Variants in PATJ observed in about 807,000 individuals in gnomAD.
PATJ encodes inaD-like protein.
A neutral mutation model predicts 224.9 loss-of-function variants in PATJ; 190 were observed. The ratio of observed to expected loss-of-function variants is 0.84; its 90% CI spans 0.75 to 0.95. The LOEUF (loss-of-function observed/expected upper bound fraction) is 0.95. PATJ is among the 40% of genes least tolerant of loss of function. The pLI, the probability that PATJ is intolerant of heterozygous loss-of-function variation, is 0.00. For synonymous variants in PATJ, 769 were observed against 820.3 expected (o/e 0.94, Z 1.07); for missense variants, 2,121 against 2,270.3 (o/e 0.93, Z 1.34).
chr1:61,920,057 C>T (rs1205816648), intron 26 of PATJ, among the ~76,000 whole-genome samples: 2 of 151,814 alleles, frequency 1.3e-5, no homozygotes, highest in African/African-American at 4.8e-5. Context: ...TAATGATTGC[C>T]CCTTTTGATA....
intron 25 of PATJ, among the ~76,000 whole-genome samples, chr1:61,911,945 A>G (rs1477330439): frequency 6.7e-6 from 1 of 149,544 alleles, no homozygotes; most frequent in Non-Finnish European, 1.5e-5. Flanking sequence ...GTTTTTTTAC[A>G]TAAATGACAC....
chr1:61,902,912 A>G (rs1415546660), intron 24 of PATJ, among the ~76,000 whole-genome samples: 1 of 152,142 alleles, frequency 6.6e-6, no homozygotes, highest in Non-Finnish European at 1.5e-5. Flanking sequence ...TGAGCCATAT[A>G]GATATATGGA....
At chr1:62,119,196 T>C (rs894220209) in intron 37 of PATJ, among the ~76,000 whole-genome samples, 1 of 152,124 alleles carries the variant, frequency 6.6e-6, no homozygotes. Flanking sequence ...GTGCTTAAAA[T>C]TATGGGTGAG....
At chr1:61,958,182 T>C (rs1208330049) in intron 27 of PATJ, among the ~76,000 whole-genome samples, 1 of 152,224 alleles carries the variant, frequency 6.6e-6, no homozygotes, top group East Asian at 1.9e-4. Flanking sequence ...TTATTGTGTT[T>C]ACATGTTTGT....
chr1:62,020,278 A>G (rs1002810416), intron 29 of PATJ, among the ~76,000 whole-genome samples: 1 of 152,220 alleles, frequency 6.6e-6, no homozygotes, highest in Non-Finnish European at 1.5e-5. Flanking sequence ...ACAATGTACT[A>G]TGTACATATG....
intron 29 of PATJ, among the ~76,000 whole-genome samples, chr1:62,032,532 C>T (rs962070132): frequency 6.6e-6 from 1 of 152,048 alleles, no homozygotes; most frequent in Non-Finnish European, 1.5e-5. Flanking sequence ...AAACTGGGGG[C>T]AGGAATTTTG....
chr1:61,743,434 A>G (rs897055519), intron 1 of PATJ, among the ~76,000 whole-genome samples: 1 of 152,030 alleles, frequency 6.6e-6, no homozygotes, highest in Non-Finnish European at 1.5e-5. Flanking sequence ...TGCCTCTGCC[A>G]TTTAGAGGGT....
intron 41 of PATJ, among the ~76,000 whole-genome samples, chr1:62,136,801 C>T (rs757228233): frequency 5.3e-5 from 8 of 151,798 alleles, no homozygotes; most frequent in Admixed American, 5.3e-4. Flanking sequence ...ATCTGCCAGG[C>T]TCAAGCAATC....
intron 43 of PATJ, among the ~76,000 whole-genome samples, 148 bp from the exon 44 acceptor site, chr1:62,160,755 CTAATT>C (rs2149080173): frequency 6.6e-6 from 1 of 152,176 alleles, no homozygotes; most frequent in Admixed American, 6.5e-5. Context: ...TACTTTTTTC[CTAATT>C]TAAAACATTA....
At chr1:61,814,130 C>CTTTTTTTTT (rs762502160) in intron 14 of PATJ, among the ~76,000 whole-genome samples, 35 of 85,908 alleles carry the variant, frequency 4.1e-4, no homozygotes, top group Admixed American at 4.7e-4. Context: ...TTATTCTCTT[C>CTTTTTTTTT]TTTTTTTTTT....
intron 9 of PATJ, 149 bp downstream of exon 9, chr1:61,791,596 T>G: frequency 2.0e-6 from 1 of 504,094 alleles, no homozygotes; most frequent in Non-Finnish European, 3.5e-6. Context: ...TCTCAGTGAT[T>G]ACAGAATCAC....
intron 1 of PATJ, among the ~76,000 whole-genome samples, chr1:61,762,444 G>A (rs1390242587): frequency 2.0e-5 from 3 of 151,892 alleles, no homozygotes; most frequent in African/African-American, 4.8e-5. Flanking sequence ...TGGGGTTTTT[G>A]TAAATAAAAA....
At chr1:62,016,613 A>C (rs2148371217) in intron 28 of PATJ, among the ~76,000 whole-genome samples, 1 of 152,320 alleles carries the variant, frequency 6.6e-6, no homozygotes, top group African/African-American at 2.4e-5. Flanking sequence ...ATAGTTTATC[A>C]GTGGGAAAAT....
intron 12 of PATJ, among the ~76,000 whole-genome samples, chr1:61,804,731 G>C (rs74568317): frequency 0.16 from 24,865 of 152,168 alleles, 2,453 homozygotes; most frequent in East Asian, 0.47. Flanking sequence ...TCTGGCTACA[G>C]TCATGTGGAG....
At chr1:62,129,513 A>C (rs1038118290) in intron 41 of PATJ, among the ~76,000 whole-genome samples, 1 of 152,338 alleles carries the variant, frequency 6.6e-6, no homozygotes, top group East Asian at 1.9e-4. Context: ...ACCCCTGCTT[A>C]TATTTTAGCC....
intron 41 of PATJ, among the ~76,000 whole-genome samples, chr1:62,129,522 C>A (rs2148949909): frequency 6.6e-6 from 1 of 152,336 alleles, no homozygotes. Flanking sequence ...TATATTTTAG[C>A]CCTTCAGATG....
At chr1:61,776,861 G>A (rs1160872981) in intron 7 of PATJ, among the ~76,000 whole-genome samples, 1 of 151,990 alleles carries the variant, frequency 6.6e-6, no homozygotes, top group East Asian at 1.9e-4. Flanking sequence ...GAGTAGCTGG[G>A]ATTATAGGTG....
At chr1:61,766,558 C>A in intron 4 of PATJ, 85 bp downstream of exon 4, 1 of 917,598 alleles carries the variant, frequency 1.1e-6, no homozygotes. Context: ...ATTCTTTTTG[C>A]TGTAAAATGT....
At chr1:61,877,084 C>G (rs1436974698) in intron 21 of PATJ, among the ~76,000 whole-genome samples, 2 of 152,108 alleles carry the variant, frequency 1.3e-5, no homozygotes, top group Non-Finnish European at 2.9e-5. Flanking sequence ...GTGTTATTGT[C>G]AAGACTCAGT....
Sources: gnomAD v4.1 joint callset for allele counts (sites outside exome capture counted in the v4.1 genomes callset) on GRCh38, gnomAD v4.1.1 for gene constraint, MANE v1.5 for transcripts, NCBI Gene and HGNC (gene_info 2026-07-23, HGNC 2026-07-21) for gene names.